The following TMEFF2 variants were observed in gnomAD, a reference collection of about 807,000 sequenced individuals.
TMEFF2 encodes the protein tomoregulin-2.
A neutral mutation model predicts 53.8 loss-of-function variants in TMEFF2; 28 were observed. That is an observed-to-expected ratio of 0.52 (90% CI 0.39 to 0.71). The LOEUF (loss-of-function observed/expected upper bound fraction) is 0.71. Ranked by LOEUF, TMEFF2 falls within the 30% of genes least tolerant of loss-of-function variation. The pLI is 0.00. For missense variants in TMEFF2, 353 were observed against 455.2 expected (o/e 0.78, Z 2.04); for synonymous variants, 162 against 166.3 (o/e 0.97, Z 0.20).
chr2:192,038,552 C>G (rs1687390394), intron 5 of TMEFF2, among the ~76,000 whole-genome samples: 1 of 152,002 alleles, frequency 6.6e-6, no homozygotes, highest in Non-Finnish European at 1.5e-5. Flanking sequence ...GGGTCTCACT[C>G]TGTTCTTAGC....
At chr2:191,987,401 CTTTCT>C (rs1686003087) in intron 7 of TMEFF2, among the ~76,000 whole-genome samples, 1 of 84,088 alleles carries the variant, frequency 1.2e-5, no homozygotes, top group East Asian at 3.8e-4. Flanking sequence ...CATAATCTTA[CTTTCT>C]TTTTACTTTT....
At chr2:192,007,533 C>T (rs1686527610) in intron 5 of TMEFF2, among the ~76,000 whole-genome samples, 2 of 152,128 alleles carry the variant, frequency 1.3e-5, no homozygotes, top group South Asian at 2.1e-4. Flanking sequence ...ATACAGTGTG[C>T]TGGGAGGATC....
chr2:192,157,031 T>C (rs1574421658), intron 4 of TMEFF2, among the ~76,000 whole-genome samples: 1 of 152,030 alleles, frequency 6.6e-6, no homozygotes, highest in Non-Finnish European at 1.5e-5. Context: ...TATAGGATGG[T>C]GTAGATAAGA....
intron 4 of TMEFF2, among the ~76,000 whole-genome samples, chr2:192,096,805 T>C (rs1379343567): frequency 2.7e-5 from 4 of 150,408 alleles, no homozygotes; most frequent in Non-Finnish European, 4.4e-5. Flanking sequence ...GCTTCTCGAG[T>C]AGCTGGGATT....
chr2:191,950,816 C>T (rs1691852903), intron 9 of TMEFF2, among the ~76,000 whole-genome samples: 1 of 152,120 alleles, frequency 6.6e-6, no homozygotes, highest in Non-Finnish European at 1.5e-5. Context: ...GAGTTTAAAT[C>T]CTATCAAACC....
At chr2:191,960,820 T>A (rs979061748) in intron 7 of TMEFF2, among the ~76,000 whole-genome samples, 2 of 152,190 alleles carry the variant, frequency 1.3e-5, no homozygotes, top group Non-Finnish European at 2.9e-5. Flanking sequence ...AGTAGGAGAA[T>A]GAGTGAGTTC....
intron 7 of TMEFF2, among the ~76,000 whole-genome samples, chr2:191,992,049 C>G (rs896486079): frequency 2.6e-5 from 4 of 152,052 alleles, no homozygotes; most frequent in African/African-American, 9.7e-5. Flanking sequence ...AAAATACTTG[C>G]AATGAGACAC....
intron 9 of TMEFF2, among the ~76,000 whole-genome samples, chr2:191,951,165 A>ATG (rs33981886): frequency 0.19 from 29,120 of 149,738 alleles, 2,899 homozygotes; most frequent in Middle Eastern, 0.24. Context: ...ATGTGTATGT[A>ATG]TGTGTGTGTG....
At chr2:192,112,118 C>T (rs777601650) in intron 4 of TMEFF2, among the ~76,000 whole-genome samples, 16 of 152,288 alleles carry the variant, frequency 1.1e-4, no homozygotes, top group Admixed American at 2.6e-4. Flanking sequence ...GGGGCACTGC[C>T]TAGTGGAGCT....
At chr2:192,034,103 A>C (rs1687217965) in intron 5 of TMEFF2, among the ~76,000 whole-genome samples, 1 of 144,954 alleles carries the variant, frequency 6.9e-6, no homozygotes, top group Admixed American at 7.3e-5. Context: ...TGAACCCGGG[A>C]GGCGGAGCTT....
intron 4 of TMEFF2, among the ~76,000 whole-genome samples, chr2:192,115,112 T>C (rs1231862898): frequency 2.0e-5 from 3 of 151,802 alleles, no homozygotes; most frequent in African/African-American, 7.2e-5. Flanking sequence ...GCCACAAAAG[T>C]TTCTAATTAG....
rs1691140507 is a variant in TMEFF2 at position 192,179,750 on chromosome 2, T to C, written c.413-56A>G. The C allele has an allele frequency of 2.7e-6, 4 of 1,468,170 alleles. No homozygotes were observed. In the South Asian group the frequency reaches 4.4e-5, roughly 16 times the overall value. The allele number at this position is 1,468,170 out of a possible 1,614,324, so 90.9% of individuals were successfully genotyped here. ...AAACATATTCAAAAATATTTATGAC[T>C]TTTTAAGCTCAAGTTTATTTTCTTA... On this transcript the variant is annotated intron_variant, in intron 3 of 9. Transcript: ENST00000272771.
chr2:192,187,173 ATCTCTTTCACTG>A (rs1231175162), intron 2 of TMEFF2, among the ~76,000 whole-genome samples: 2 of 152,154 alleles, frequency 1.3e-5, no homozygotes, highest in Non-Finnish European at 2.9e-5. Context: ...AAGTTGTCCT[ATCTCTTTCACTG>A]TCTTGGTGTA....
intron 7 of TMEFF2, among the ~76,000 whole-genome samples, chr2:191,977,960 CAG>C (rs1260269129): frequency 1.3e-5 from 2 of 152,122 alleles, no homozygotes; most frequent in Non-Finnish European, 2.9e-5. Context: ...TCATTAATAA[CAG>C]AAGATTGTGA....
At chr2:192,115,323 T>A (rs371168047) in intron 4 of TMEFF2, among the ~76,000 whole-genome samples, 2 of 151,820 alleles carry the variant, frequency 1.3e-5, no homozygotes, top group African/African-American at 4.8e-5. Flanking sequence ...GCTCCAAGAA[T>A]ACACAAAATG....
rs201968432 is a variant in TMEFF2 at position 192,055,820 on chromosome 2, TA to T, written c.536+1858del. On this transcript the variant is annotated intron_variant, in intron 5 of 9. Coordinates refer to ENST00000272771, the MANE Select transcript of TMEFF2 (RefSeq NM_016192.4). The stretch of plus-strand genomic sequence containing the variant: ...AAAAAGAAGCGAGACTCTGTCTCAA[TA>T]AAAAACAAAAAACATACATTTGTTT... Among the ~76,000 whole-genome samples the T allele has an allele frequency of 2.4e-3, 288 of 121,162 alleles. 5 individuals carry two copies. In the East Asian group the frequency reaches 0.053, roughly 22 times the overall value. 79.5% of individuals were successfully genotyped at this position (121,162 alleles called of 152,430 possible). A position where few individuals can be genotyped will look rare whatever the true frequency, so the allele number is the denominator to read the frequency against.
intron 7 of TMEFF2, among the ~76,000 whole-genome samples, chr2:191,971,093 T>C (rs551702629): frequency 6.6e-6 from 1 of 152,330 alleles, no homozygotes; most frequent in Admixed American, 6.5e-5. Context: ...TAGTCAGTGA[T>C]AACTGGAGTG....
intron 7 of TMEFF2, among the ~76,000 whole-genome samples, chr2:191,960,646 T>C (rs542091185): frequency 6.6e-6 from 1 of 152,318 alleles, no homozygotes; most frequent in South Asian, 2.1e-4. Flanking sequence ...ATTGCAAATG[T>C]ATACAAATTC....
At chr2:192,066,281 T>A (rs1688167992) in intron 4 of TMEFF2, among the ~76,000 whole-genome samples, 1 of 151,770 alleles carries the variant, frequency 6.6e-6, no homozygotes, top group African/African-American at 2.4e-5. Flanking sequence ...GTGTTCAGAT[T>A]TTAGGGAGGA....
Sources: gnomAD v4.1 joint callset for allele counts (sites outside exome capture counted in the v4.1 genomes callset) on GRCh38, gnomAD v4.1.1 for gene constraint, MANE v1.5 for transcripts, NCBI Gene and HGNC (gene_info 2026-07-23, HGNC 2026-07-21) for gene names.